The following INTS6 variants were observed in gnomAD, a reference collection of about 807,000 sequenced individuals.
INTS6 encodes the protein integrator complex subunit 6.
Under a neutral mutation model 104.9 loss-of-function variants are expected in INTS6, and 16 were observed. The ratio of observed to expected loss-of-function variants is 0.15; its 90% CI spans 0.10 to 0.23. The LOEUF (loss-of-function observed/expected upper bound fraction) is 0.23. Among genes scored for constraint, INTS6 ranks in the 10% least tolerant of loss-of-function variants. The pLI, the probability that INTS6 is intolerant of heterozygous loss-of-function variation, is 1.00. For missense variants in INTS6, 584 were observed against 1,062.8 expected (o/e 0.55, Z 6.26); for synonymous variants, 324 against 358.7 (o/e 0.90, Z 1.09).
At chr13:51,334,982 C>CAAAA in the INTS6 span, among the ~76,000 whole-genome samples, 2 of 70,800 alleles carry the variant, frequency 2.8e-5, no homozygotes, top group Non-Finnish European at 5.7e-5. Context: ...GACTCCGTCT[C>CAAAA]AAAAAAAAAA....
chr13:51,392,831 T>G (rs534099788), intron 5 of INTS6, among the ~76,000 whole-genome samples: 2 of 152,244 alleles, frequency 1.3e-5, no homozygotes, highest in South Asian at 4.1e-4. Context: ...TTTCTATTGT[T>G]CCTGCTGTAC....
chr13:51,440,034 CAGG>C (rs1712007409), intron 3 of INTS6: 3 of 152,300 alleles, frequency 2.0e-5, no homozygotes, highest in East Asian at 1.9e-4. Flanking sequence ...GTCAGGAGAT[CAGG>C]AGGTCAGGAG....
intron 5 of INTS6, among the ~76,000 whole-genome samples, chr13:51,392,550 T>C (rs1217309485): frequency 3.9e-5 from 6 of 152,240 alleles, no homozygotes; most frequent in African/African-American, 1.4e-4. Context: ...ATAGAGAGCA[T>C]GTCCCTTTCC....
At chr13:51,449,055 G>GA (rs1157121954) in intron 3 of INTS6, 1 of 152,048 alleles carries the variant, frequency 6.6e-6, no homozygotes, top group Non-Finnish European at 1.5e-5. Flanking sequence ...GTTTTATGAT[G>GA]AAAAAAATCT....
At chr13:51,352,654 G>A (rs1356990410), downstream of INTS6, among the ~76,000 whole-genome samples, 2 of 151,942 alleles carry the variant, frequency 1.3e-5, no homozygotes. Flanking sequence ...GGACATTCTT[G>A]TCTTGTTCCT....
intron 3 of INTS6, chr13:51,438,240 A>C (rs1952729397): frequency 2.0e-5 from 3 of 152,138 alleles, no homozygotes; most frequent in Admixed American, 2.0e-4. Flanking sequence ...ACATTTATTG[A>C]TGCTTGTGCT....
intron 3 of INTS6, chr13:51,437,678 T>A (rs533011442): frequency 6.6e-6 from 1 of 152,348 alleles, no homozygotes; most frequent in East Asian, 1.9e-4. Flanking sequence ...GTTTCCCATA[T>A]GCTATGGCTG....
intron 4 of INTS6, among the ~76,000 whole-genome samples, chr13:51,412,873 GTAAT>G (rs888484257): frequency 6.6e-6 from 1 of 152,168 alleles, no homozygotes. Flanking sequence ...ATTCTCCAGA[GTAAT>G]TAAAGTTATT....
Position 51,373,560 on chromosome 13 carries a change from C to T in INTS6, c.2104+648G>A, listed in dbSNP as rs77607614. On this transcript the variant is annotated intron_variant, in intron 15 of 17. Transcript: ENST00000311234. ...TCTCACCTTACCTCATTCCCAACACCCTTGCTATACTGGAATTTTTTAAAT... is the reference window on the plus strand; with the variant it reads ...TCTCACCTTACCTCATTCCCAACACTCTTGCTATACTGGAATTTTTTAAAT... Among the ~76,000 whole-genome samples the T allele has an allele frequency of 6.2e-3, 948 of 152,298 alleles. 10 individuals carry two copies. The highest frequency in any genetic ancestry group is 0.021 in the African/African-American group (883 of 41,542).
intron 6 of INTS6, among the ~76,000 whole-genome samples, chr13:51,388,368 G>GTGTTTTT (rs1344133694): frequency 3.4e-5 from 5 of 148,602 alleles, no homozygotes; most frequent in South Asian, 2.2e-4. Flanking sequence ...GTGTGTGTGT[G>GTGTTTTT]TTTTGTTTTT....
In INTS6 at chr13:51,417,621, AT is replaced by A. The variant is rs1956814866; in HGVS notation, c.429+12672del. Among the ~76,000 whole-genome samples the A allele has an allele frequency of 2.0e-5, 3 of 151,716 alleles. No individual in the cohort carries two copies. The South Asian group carries it at 6.3e-4, about 32-fold the overall frequency. ...AAGCGCATGCCACCACACCCGGCTA[AT>A]TTTTTGTATTTTTTAATAGAGATGG... On this transcript the variant is annotated intron_variant, in intron 4 of 17. Transcript: ENST00000311234.
chr13:51,407,621 CTAT>C (rs1377934071), intron 4 of INTS6, among the ~76,000 whole-genome samples: 1 of 152,132 alleles, frequency 6.6e-6, no homozygotes, highest in Non-Finnish European at 1.5e-5. Flanking sequence ...TCTACCTTAA[CTAT>C]TATAGTGTTG....
chr13:51,411,187 C>T (rs7335141), intron 4 of INTS6, among the ~76,000 whole-genome samples: 32,107 of 149,568 alleles, frequency 0.21, 3,510 homozygotes, highest in South Asian at 0.35. Flanking sequence ...CACTCCAGCC[C>T]GGGTGACAGA....
At chr13:51,421,233 G>C (rs756613976) in intron 4 of INTS6, 2 of 985,364 alleles carry the variant, frequency 2.0e-6, no homozygotes, top group Non-Finnish European at 2.4e-6. Context: ...GGATCAGGTC[G>C]ATCCTGTATC....
intron 3 of INTS6, chr13:51,449,662 G>A (rs1952994328): frequency 1.0e-6 from 1 of 984,716 alleles, no homozygotes; most frequent in Non-Finnish European, 1.2e-6. Context: ...AACTCAAAGA[G>A]GTAAGGATGA....
chr13:51,444,252 A>ATTTTTTTTTTTTT (rs57566246), intron 3 of INTS6: 2 of 54,410 alleles, frequency 3.7e-5, no homozygotes, highest in African/African-American at 1.9e-4. Flanking sequence ...CCCCCAGCTA[A>ATTTTTTTTTTTTT]TTTTTTTTTT....
chr13:51,362,124 A>G lies in INTS6; in HGVS notation c.*3628T>C. 7.3e-7 allele frequency: 1 copy of G among 1,378,436 alleles called. No individual in the cohort carries two copies. The highest frequency in any genetic ancestry group is 9.5e-7 in the Non-Finnish European group (1 of 1,055,116). 85.4% of individuals were successfully genotyped at this position (1,378,436 alleles called of 1,614,324 possible). On this transcript the variant is annotated 3_prime_UTR_variant, in exon 18 of 18. Transcript: ENST00000311234. Reference sequence around the variant, plus strand: ...ACCTTCTCATTCTCTCAGCTCATATATAGTTAATGTAGATTTTTTTTTTTA... The same window carrying G: ...ACCTTCTCATTCTCTCAGCTCATATGTAGTTAATGTAGATTTTTTTTTTTA...
intron 4 of INTS6, among the ~76,000 whole-genome samples, chr13:51,400,067 T>C (rs548988882): frequency 6.6e-6 from 1 of 152,308 alleles, no homozygotes; most frequent in South Asian, 2.1e-4. Context: ...CATAGGAGCA[T>C]GAACCCTATT....
intron 3 of INTS6, among the ~76,000 whole-genome samples, chr13:51,434,080 C>T (rs1352355881): frequency 6.6e-6 from 1 of 152,172 alleles, no homozygotes; most frequent in African/African-American, 2.4e-5. Context: ...GACATAATTC[C>T]ATACTAACCT....
Sources: gnomAD v4.1 joint callset for allele counts (sites outside exome capture counted in the v4.1 genomes callset) on GRCh38, gnomAD v4.1.1 for gene constraint, MANE v1.5 for transcripts, NCBI Gene and HGNC (gene_info 2026-07-23, HGNC 2026-07-21) for gene names.